Variants in AXDND1 observed in about 807,000 individuals in gnomAD.
AXDND1 encodes axonemal dynein light chain domain containing 1, also known as axonemal dynein light chain domain-containing protein 1.
AXDND1 carries 110 observed loss-of-function variants against 137.5 expected under a neutral mutation model. The observed-to-expected ratio is 0.80, with a 90% CI of 0.69 to 0.94. The LOEUF (loss-of-function observed/expected upper bound fraction) is 0.94. AXDND1 is among the 40% of genes least tolerant of loss of function. The pLI, the probability that AXDND1 is intolerant of heterozygous loss-of-function variation, is 0.00. For missense variants in AXDND1, 1,191 were observed against 1,169.8 expected, an observed-to-expected ratio of 1.02 and a Z score of -0.26; for synonymous variants, 414 against 399.7, an observed-to-expected ratio of 1.04 and a Z score of -0.43.
intron 20 of AXDND1, among the ~76,000 whole-genome samples, chr1:179,494,332 A>G (rs1257011584): frequency 1.3e-5 from 2 of 152,070 alleles, no homozygotes; most frequent in Non-Finnish European, 2.9e-5. Context: ...GCATTTTCTT[A>G]ATGACCAATG....
At chr1:179,493,957 T>C (rs1278734506) in intron 20 of AXDND1, among the ~76,000 whole-genome samples, 2 of 152,128 alleles carry the variant, frequency 1.3e-5, no homozygotes, top group African/African-American at 4.8e-5. Flanking sequence ...TCAGTCTTTT[T>C]AAAATTTTTT....
chr1:179,520,917 C>CTA (rs749531528), intron 21 of AXDND1, among the ~76,000 whole-genome samples: 26 of 145,414 alleles, frequency 1.8e-4, no homozygotes, highest in Middle Eastern at 3.6e-3. Context: ...TATATACAGA[C>CTA]TATATATATA....
intron 23 of AXDND1, among the ~76,000 whole-genome samples, chr1:179,530,262 C>T (rs957473447): frequency 2.0e-5 from 3 of 152,160 alleles, no homozygotes; most frequent in Non-Finnish European, 4.4e-5. Flanking sequence ...AACTCCTGAC[C>T]TCATGATCCG....
chr1:179,431,973 T>A (rs1050206444), intron 14 of AXDND1, among the ~76,000 whole-genome samples: 2 of 152,202 alleles, frequency 1.3e-5, no homozygotes, highest in African/African-American at 4.8e-5. Context: ...ATTCAACAGA[T>A]CTTCTGATAA....
chr1:179,418,736 C>T (rs186954303), intron 12 of AXDND1, among the ~76,000 whole-genome samples: 50,815 of 148,944 alleles, frequency 0.34, 8,824 homozygotes, highest in Middle Eastern at 0.43. Context: ...ACCTCCCTCC[C>T]GGACGGGGTG....
intron 15 of AXDND1, 102 bp downstream of exon 15, chr1:179,432,444 G>A: frequency 7.3e-7 from 1 of 1,370,884 alleles, no homozygotes; most frequent in African/African-American, 1.5e-5. Context: ...TTTTTTTTGG[G>A]ACGTTGTCTC....
chr1:179,406,748 G>A (rs74667047), intron 11 of AXDND1, among the ~76,000 whole-genome samples: 3,080 of 152,020 alleles, frequency 0.02, 111 homozygotes, highest in African/African-American at 0.07. Flanking sequence ...ATATGTTTTC[G>A]CAAGTGAAGT....
chr1:179,426,605 A>G (rs1470445538), intron 12 of AXDND1, among the ~76,000 whole-genome samples: 1 of 152,250 alleles, frequency 6.6e-6, no homozygotes, highest in Non-Finnish European at 1.5e-5. Flanking sequence ...TTCCATTCCT[A>G]AGAAATACTA....
At chr1:179,474,106 T>A (rs1558234979) in intron 17 of AXDND1, among the ~76,000 whole-genome samples, 1 of 151,620 alleles carries the variant, frequency 6.6e-6, no homozygotes, top group East Asian at 1.9e-4. Flanking sequence ...GTGCCTGTAA[T>A]CCCAGCTACT....
intron 12 of AXDND1, among the ~76,000 whole-genome samples, chr1:179,416,788 C>G (rs1654771421): frequency 6.6e-6 from 1 of 152,118 alleles, no homozygotes; most frequent in Non-Finnish European, 1.5e-5. Flanking sequence ...AAGCCTTGAG[C>G]CTGGGGAGTA....
chr1:179,387,218 G>A (rs547998961), intron 9 of AXDND1, among the ~76,000 whole-genome samples: 3 of 152,076 alleles, frequency 2.0e-5, no homozygotes, highest in East Asian at 1.9e-4. Flanking sequence ...TATCACAGAC[G>A]GGGGGTAATT....
intron 23 of AXDND1, among the ~76,000 whole-genome samples, chr1:179,530,087 T>C (rs2125697872): frequency 6.6e-6 from 1 of 152,266 alleles, no homozygotes; most frequent in South Asian, 2.1e-4. Flanking sequence ...TGGAGTGCAA[T>C]GGTGCAATCT....
chr1:179,486,941 A>G (rs117375177), intron 18 of AXDND1, among the ~76,000 whole-genome samples: 1,809 of 148,798 alleles, frequency 0.012, 140 homozygotes, highest in Admixed American at 0.065. Flanking sequence ...TAACAACATG[A>G]TGACAGGATC....
rs770193189 is a variant in AXDND1, at chr1:179,486,841, AAAAG to A, written c.2091+3626_2091+3629del. ...GTCCTGAAGAGAGTGCTAAATATGG[AAAAG>A]AAAGACCATTACCAGCCACGACAAA... On this transcript the variant is annotated intron_variant, in intron 18 of 25. Transcript: ENST00000367618. Among the ~76,000 whole-genome samples the A allele has an allele frequency of 4.7e-5, 7 of 148,686 alleles. 1 individual carries two copies. Among genetic ancestry groups the A allele is most frequent in the Non-Finnish European group, 7.4e-5 (5 of 67,444 alleles).
chr1:179,532,195 C>T (rs1671097637), intron 23 of AXDND1, among the ~76,000 whole-genome samples: 1 of 152,138 alleles, frequency 6.6e-6, no homozygotes, highest in South Asian at 2.1e-4. Flanking sequence ...CTGTACTTGC[C>T]AGTATCAAAA....
At chr1:179,547,810 C>G (rs757587491) in intron 25 of AXDND1, among the ~76,000 whole-genome samples, 8 of 152,166 alleles carry the variant, frequency 5.3e-5, no homozygotes, top group Non-Finnish European at 8.8e-5. Flanking sequence ...ATCCCTACCC[C>G]CTACCCAGAA....
intron 11 of AXDND1, among the ~76,000 whole-genome samples, chr1:179,402,164 C>CAAAAAA (rs552031518): frequency 9.3e-6 from 1 of 107,644 alleles, no homozygotes; most frequent in Non-Finnish European, 1.9e-5. Flanking sequence ...GACTCCGTCT[C>CAAAAAA]AAAAAAAAAA....
intron 16 of AXDND1, among the ~76,000 whole-genome samples, chr1:179,466,270 TTTCTTCTTC>T (rs34143446): frequency 2.4e-5 from 3 of 124,298 alleles, no homozygotes; most frequent in African/African-American, 5.9e-5. Flanking sequence ...CTTTTCTTTC[TTTCTTCTTC>T]TTCTTCTTTT....
intron 17 of AXDND1, among the ~76,000 whole-genome samples, chr1:179,479,985 T>G (rs1268082788): frequency 6.6e-6 from 1 of 152,192 alleles, no homozygotes; most frequent in Non-Finnish European, 1.5e-5. Flanking sequence ...ATTGTCCATA[T>G]CATTATCAGC....
Sources: gnomAD v4.1 joint callset for allele counts (sites outside exome capture counted in the v4.1 genomes callset) on GRCh38, gnomAD v4.1.1 for gene constraint, MANE v1.5 for transcripts, NCBI Gene and HGNC (gene_info 2026-07-23, HGNC 2026-07-21) for gene names.